Variants in AHDC1 observed in about 807,000 individuals in gnomAD.
AHDC1 encodes the protein AT-hook DNA binding motif containing 1.
AHDC1 carries 7 observed loss-of-function variants against 87.9 expected under a neutral mutation model. The ratio of observed to expected loss-of-function variants is 0.08; its 90% CI spans 0.05 to 0.15. The LOEUF is 0.15. Ranked by LOEUF, AHDC1 falls within the 10% of genes least tolerant of loss-of-function variation. The pLI is 1.00. For synonymous variants in AHDC1, 1,051 were observed against 1,006.8 expected (o/e 1.04, Z -0.83); for missense variants, 1,841 against 2,253.2 (o/e 0.82, Z 3.70).
At chr1:27,585,253 C>CAAAAAAAAAAAAAA in intron 3 of AHDC1, among the ~76,000 whole-genome samples, 1 of 66,330 alleles carries the variant, frequency 1.5e-5, no homozygotes, top group Non-Finnish European at 3.0e-5. Flanking sequence ...GACCCTGTCT[C>CAAAAAAAAAAAAAA]AAAAAAAAAA....
intron 3 of AHDC1, among the ~76,000 whole-genome samples, chr1:27,575,655 C>T (rs1203903607): frequency 1.3e-5 from 2 of 151,590 alleles, no homozygotes; most frequent in South Asian, 2.1e-4. Flanking sequence ...AGCCACATGC[C>T]GGCCGGCCGC....
intron 3 of AHDC1, among the ~76,000 whole-genome samples, chr1:27,586,019 C>T (rs2089045739): frequency 6.6e-6 from 1 of 152,138 alleles, no homozygotes; most frequent in African/African-American, 2.4e-5. Context: ...CCCACAGGCC[C>T]GACAATGTGG....
In AHDC1 at chr1:27,565,673, G is replaced by C. The variant is rs1241627854; in HGVS notation, c.-628-6790C>G. On this transcript the variant is annotated intron_variant, in intron 3 of 8. Coordinates refer to ENST00000673934, the MANE Select transcript of AHDC1 (RefSeq NM_001371928.1). The surrounding 1 kb of genome is among the most constrained non-coding windows in gnomAD (Gnocchi z 4.6). ...TTAAAGAAGTCAGACATGAAGCAAG[G>C]ATAGTATCCCTATACCATCTGGGGA... 2.0e-5 allele frequency among the ~76,000 whole-genome samples: 3 copies of C among 152,188 alleles called. No individual in the cohort carries two copies. Among genetic ancestry groups the C allele is most frequent in the Admixed American group, 1.3e-4 (2 of 15,284 alleles).
At chr1:27,568,669 A>G (rs2020430798) in intron 3 of AHDC1, among the ~76,000 whole-genome samples, 1 of 151,450 alleles carries the variant, frequency 6.6e-6, no homozygotes, top group Non-Finnish European at 1.5e-5. Flanking sequence ...GGGGCTTCGG[A>G]CACGCCCTCT....
intron 8 of AHDC1, among the ~76,000 whole-genome samples, chr1:27,540,588 T>C (rs1233177781): frequency 6.6e-6 from 1 of 151,898 alleles, no homozygotes; most frequent in Non-Finnish European, 1.5e-5. Flanking sequence ...AGAAGGACCC[T>C]GGAATGCTTC....
intron 3 of AHDC1, among the ~76,000 whole-genome samples, chr1:27,592,093 AG>A (rs1311136034): frequency 2.6e-5 from 4 of 152,166 alleles, no homozygotes; most frequent in Non-Finnish European, 5.9e-5. Context: ...TATTTGTTAA[AG>A]GCCTCTCATT....
rs574616928 is a variant in AHDC1, at chr1:27,546,098, A to G, written c.*43+1163T>C. On this transcript the variant is annotated intron_variant, in intron 8 of 8. Transcript: ENST00000673934. ...TTTCCAGGAGCCCAGCTACTCCTCC[A>G]GGAAGAGAAACTCCCAGGAAGCTTC... Among the ~76,000 whole-genome samples the G allele has an allele frequency of 2.0e-5, 3 of 152,316 alleles. No homozygotes were observed. The East Asian group carries it at 5.8e-4, about 29-fold the overall frequency.
chr1:27,571,294 A>G (rs2088494460), intron 3 of AHDC1, among the ~76,000 whole-genome samples: 1 of 152,210 alleles, frequency 6.6e-6, no homozygotes, highest in Non-Finnish European at 1.5e-5. Flanking sequence ...AGGAGGCATT[A>G]TGAACCCCAA....
chr1:27,537,203 T>A (rs1571201863), intron 8 of AHDC1, among the ~76,000 whole-genome samples: 1 of 152,036 alleles, frequency 6.6e-6, no homozygotes, highest in Non-Finnish European at 1.5e-5. Flanking sequence ...CCTCACCAGG[T>A]TCAGCTCTCC....
At chr1:27,570,763 G>C (rs1014506252) in intron 3 of AHDC1, among the ~76,000 whole-genome samples, 9 of 152,210 alleles carry the variant, frequency 5.9e-5, no homozygotes, top group African/African-American at 1.9e-4. Flanking sequence ...TTGAGGCCTA[G>C]AGGAATGAGG....
chr1:27,575,775 G>T (rs1445624289), intron 3 of AHDC1, among the ~76,000 whole-genome samples: 1 of 151,716 alleles, frequency 6.6e-6, no homozygotes, highest in Non-Finnish European at 1.5e-5. Flanking sequence ...GGCGGAATGC[G>T]TGGCAGCCCC....
Position 27,547,682 on chromosome 1 carries a change from G to T in AHDC1, c.4434C>A (p.Pro1478=). ...YPPGSAARSP[P]YEGKVGTGLL... is the part of the protein sequence containing the mutation. ...GCCCTGTACCCACCTTGCCTTCATA[G>T]GGCGGGCTGCGGGCAGCTGAGCCTG... The change falls in exon 8 of 9, where the codon CCC becomes CCA. Residue 1478 remains proline (P), a synonymous_variant. Transcript: ENST00000673934. This position sits in a 1 kb window ranked among gnomAD's most constrained non-coding sequence, Gnocchi z 4.9. The T allele has an allele frequency of 6.3e-7, 1 of 1,595,278 alleles. No individual in the cohort carries two copies. Among genetic ancestry groups the T allele is most frequent in the Non-Finnish European group, 8.6e-7 (1 of 1,169,460 alleles).
intron 3 of AHDC1, among the ~76,000 whole-genome samples, chr1:27,591,345 T>A (rs2089215532): frequency 6.6e-6 from 1 of 152,206 alleles, no homozygotes; most frequent in Non-Finnish European, 1.5e-5. Context: ...CCAGGAGACC[T>A]GGGATCCCAC....
intron 8 of AHDC1, among the ~76,000 whole-genome samples, chr1:27,542,285 C>T (rs779970775): frequency 2.6e-5 from 4 of 152,202 alleles, no homozygotes; most frequent in Non-Finnish European, 5.9e-5. Flanking sequence ...TCCTTGGGTC[C>T]TCCAGGGAGG....
rs1269669362 is a variant in AHDC1, at chr1:27,547,597, T to C, written c.4519A>G (p.Ser1507Gly). 6.2e-7 allele frequency: 1 copy of C among 1,605,944 alleles called. No individual in the cohort carries two copies. The highest frequency in any genetic ancestry group is 8.5e-7 in the Non-Finnish European group (1 of 1,177,034). Reference protein sequence around the residue: ...AACLSAPHLASPPATPKADKE... With the variant: ...AACLSAPHLAGPPATPKADKE... ...TCGGCCTTGGGCGTGGCTGGTGGGCTAGCCAGGTGAGGGGCACTGAGGCAC... is the reference window on the plus strand; with the variant it reads ...TCGGCCTTGGGCGTGGCTGGTGGGCCAGCCAGGTGAGGGGCACTGAGGCAC... The change falls in exon 8 of 9, where the codon AGC (serine) becomes GGC (glycine). Residue 1507 changes from serine (S) to glycine (G), a missense_variant. By Grantham distance (56) the Ser-to-Gly change is moderately conservative (BLOSUM62 0). Transcript: ENST00000673934. This position sits in a 1 kb window ranked among gnomAD's most constrained non-coding sequence, Gnocchi z 4.9.
Position 27,547,214 on chromosome 1 carries a change from T to A in AHDC1, c.*43+47A>T. On this transcript the variant is annotated intron_variant, in intron 8 of 8. Transcript: ENST00000673934. The surrounding 1 kb of genome is among the most constrained non-coding windows in gnomAD (Gnocchi z 4.9). ...CCTTGCCTAAGCTCTGATGTCCTCT[T>A]CCCACCCCCAGGCCTCTGCCCACTG... 1 of 1,334,976 alleles carries A rather than the reference T, an allele frequency of 7.5e-7. No individual in the cohort carries two copies. Among genetic ancestry groups the A allele is most frequent in the Non-Finnish European group, 1.0e-6 (1 of 982,196 alleles). 82.7% of individuals were successfully genotyped at this position (1,334,976 alleles called of 1,614,324 possible).
At chr1:27,577,368 G>C (rs1367060153) in intron 3 of AHDC1, among the ~76,000 whole-genome samples, 6 of 152,232 alleles carry the variant, frequency 3.9e-5, no homozygotes, top group Admixed American at 2.6e-4. Flanking sequence ...CCCAGGACAG[G>C]ATTCTAGAAA....
chr1:27,537,739 C>T (rs1299157041), intron 8 of AHDC1, among the ~76,000 whole-genome samples: 1 of 152,176 alleles, frequency 6.6e-6, no homozygotes, highest in African/African-American at 2.4e-5. Flanking sequence ...TTAGTGCCTC[C>T]GTGACACACA....
chr1:27,551,265 T>C lies in AHDC1; in HGVS notation c.851A>G (p.Asp284Gly). The change falls in exon 8 of 9, where the codon GAC (aspartate) becomes GGC (glycine). Residue 284 changes from aspartate (D) to glycine (G), a missense_variant. This residue lies in a region of AHDC1 where 370 missense variants were observed against 391.5 expected (regional missense o/e 0.95). Coordinates refer to ENST00000673934, the MANE Select transcript of AHDC1 (RefSeq NM_001371928.1). ...CCCGAGCGGCTCTAGTGCCTGCGGG[T>C]CCAGGAAGCGGGGCTGGGGGTCCAG... ...QLLDPQPRFL[D>G]PQALEPLGEA... 1.9e-6 allele frequency: 3 copies of C among 1,610,110 alleles called. No individual in the cohort carries two copies. The highest frequency in any genetic ancestry group is 2.5e-6 in the Non-Finnish European group (3 of 1,179,468).
Sources: allele counts gnomAD v4.1 joint callset (sites outside exome capture counted in the v4.1 genomes callset), GRCh38; gene constraint gnomAD v4.1.1; regional missense constraint gnomAD v4.1.1; non-coding constraint Gnocchi (gnomAD v3.1); transcripts MANE v1.5; gene names NCBI Gene and HGNC (gene_info 2026-07-23, HGNC 2026-07-21).